NCALD: variants seen among roughly 807,000 people sequenced by gnomAD.
NCALD encodes the protein neurocalcin-delta.
Under a neutral mutation model 18.6 loss-of-function variants are expected in NCALD, and 10 were observed. That is an observed-to-expected ratio of 0.54 (90% CI 0.33 to 0.91). The LOEUF (loss-of-function observed/expected upper bound fraction) is 0.91, where lower values mean the gene tolerates loss of function less well. NCALD is among the 40% of genes least tolerant of loss of function. NCALD has a pLI of 0.03. For missense variants in NCALD, 184 were observed against 247.6 expected (o/e 0.74, Z 1.72); for synonymous variants, 88 against 87.4 (o/e 1.01, Z -0.04).
intron 2 of NCALD, among the ~76,000 whole-genome samples, chr8:101,989,443 A>T (rs1344487969): frequency 3.3e-5 from 5 of 152,248 alleles, no homozygotes; most frequent in Admixed American, 6.5e-5. Flanking sequence ...ATTATAGTTT[A>T]AAAAAATTGG....
At chr8:101,979,675 T>C (rs991490030) in intron 2 of NCALD, among the ~76,000 whole-genome samples, 1 of 152,228 alleles carries the variant, frequency 6.6e-6, no homozygotes, top group Non-Finnish European at 1.5e-5. Context: ...CTGGAATTTA[T>C]AGACATAGTT....
intron 4 of NCALD, among the ~76,000 whole-genome samples, chr8:101,826,154 C>T (rs1431735160): frequency 6.6e-6 from 1 of 152,188 alleles, no homozygotes; most frequent in Non-Finnish European, 1.5e-5. Context: ...GGAGCCATAC[C>T]TCCAGCACTC....
intron 4 of NCALD, among the ~76,000 whole-genome samples, chr8:101,855,411 T>C (rs1029844118): frequency 3.9e-5 from 6 of 152,126 alleles, no homozygotes; most frequent in African/African-American, 1.2e-4. Context: ...GAATGTTGAG[T>C]GCACATCTAA....
At chr8:102,010,785 A>G (rs1484873816) in intron 2 of NCALD, among the ~76,000 whole-genome samples, 6 of 152,256 alleles carry the variant, frequency 3.9e-5, no homozygotes, top group Admixed American at 3.9e-4. Flanking sequence ...AACAATTATC[A>G]GGTGATGGGG....
chr8:101,897,695 T>G (rs1348510633), intron 3 of NCALD, among the ~76,000 whole-genome samples: 1 of 152,192 alleles, frequency 6.6e-6, no homozygotes, highest in Non-Finnish European at 1.5e-5. Context: ...GGAGAGTGTT[T>G]CTGGGTCACA....
chr8:101,855,625 G>A lies in NCALD; in HGVS notation c.-20+31516C>T, dbSNP rs1035186941. 2.6e-5 allele frequency among the ~76,000 whole-genome samples: 4 copies of A among 152,234 alleles called. No homozygotes were observed. In the East Asian group the frequency reaches 7.7e-4, roughly 29 times the overall value. On this transcript the variant is annotated intron_variant, in intron 4 of 6. Transcript: ENST00000311028. ...TCAAGTTTAGAGGGGATGATAATAA[G>A]AATTTGCAATGATCATCACACATCT...
intron 1 of NCALD, among the ~76,000 whole-genome samples, chr8:102,056,717 G>A (rs1480182009): frequency 6.6e-6 from 1 of 152,216 alleles, no homozygotes; most frequent in Non-Finnish European, 1.5e-5. Context: ...CAGTTGATGA[G>A]ACTTAAAGTC....
At chr8:101,733,172 A>C (rs780396720) in intron 1 of NCALD, among the ~76,000 whole-genome samples, 6 of 152,212 alleles carry the variant, frequency 3.9e-5, no homozygotes, top group Non-Finnish European at 5.9e-5. Flanking sequence ...TAAAAGTATT[A>C]ATGTTTGTCT....
intron 4 of NCALD, among the ~76,000 whole-genome samples, chr8:101,835,900 A>G (rs1445564122): frequency 6.6e-6 from 1 of 152,176 alleles, no homozygotes; most frequent in Admixed American, 6.5e-5. Flanking sequence ...GTAGTAAAGC[A>G]GAATTGTGTA....
chr8:101,701,888 G>A (rs762228393), intron 2 of NCALD, among the ~76,000 whole-genome samples: 4 of 152,148 alleles, frequency 2.6e-5, no homozygotes, highest in Non-Finnish European at 4.4e-5. Flanking sequence ...CAGGAAAGGA[G>A]AAGAATGAAA....
At chr8:101,964,893 G>A (rs183715908) in intron 2 of NCALD, among the ~76,000 whole-genome samples, 1 of 152,228 alleles carries the variant, frequency 6.6e-6, no homozygotes, top group African/African-American at 2.4e-5. Flanking sequence ...ACTCCAAAAG[G>A]CTTCTTAAGG....
At chr8:101,828,663 A>G (rs1265280283) in intron 4 of NCALD, among the ~76,000 whole-genome samples, 1 of 151,472 alleles carries the variant, frequency 6.6e-6, no homozygotes, top group Non-Finnish European at 1.5e-5. Flanking sequence ...GTGTGGTGGC[A>G]CAATCATAGC....
intron 1 of NCALD, among the ~76,000 whole-genome samples, chr8:102,096,896 A>C (rs2132397172): frequency 6.6e-6 from 1 of 152,336 alleles, no homozygotes; most frequent in South Asian, 2.1e-4. Context: ...AATGCCAAGA[A>C]CCTGGACACC....
intron 3 of NCALD, chr8:101,887,301 C>T (rs1816711090): frequency 6.6e-6 from 1 of 152,132 alleles, no homozygotes; most frequent in East Asian, 1.9e-4. Context: ...GTGAGACTGT[C>T]ACTTTTATTT....
intron 2 of NCALD, among the ~76,000 whole-genome samples, chr8:101,714,751 C>T (rs1188697563): frequency 6.8e-6 from 1 of 148,100 alleles, no homozygotes; most frequent in African/African-American, 2.6e-5. Context: ...AATCCCAGCA[C>T]TTTGGGAGGC....
chr8:101,767,046 T>C (rs1021988540), intron 1 of NCALD, among the ~76,000 whole-genome samples: 13 of 152,228 alleles, frequency 8.5e-5, no homozygotes, highest in African/African-American at 3.1e-4. Flanking sequence ...GCTATCATTT[T>C]ATTCTCAGTT....
intron 3 of NCALD, among the ~76,000 whole-genome samples, chr8:101,894,142 C>T (rs1207161140): frequency 7.8e-5 from 11 of 141,214 alleles, no homozygotes; most frequent in African/African-American, 2.7e-4. Flanking sequence ...TGTAAAAGAA[C>T]AGAAATTATA....
intron 1 of NCALD, among the ~76,000 whole-genome samples, chr8:101,725,532 A>G (rs1563699311): frequency 6.6e-6 from 1 of 152,200 alleles, no homozygotes. Flanking sequence ...CCAAGAGGGC[A>G]GGGTGTAAAA....
At chr8:102,014,470 T>C (rs1822011756) in intron 2 of NCALD, among the ~76,000 whole-genome samples, 1 of 151,880 alleles carries the variant, frequency 6.6e-6, no homozygotes, top group African/African-American at 2.4e-5. Flanking sequence ...ATACAAATGT[T>C]CCCATCACAG....
Sources: gnomAD v4.1 joint callset for allele counts (sites outside exome capture counted in the v4.1 genomes callset) on GRCh38, gnomAD v4.1.1 for gene constraint, MANE v1.5 for transcripts, NCBI Gene and HGNC (gene_info 2026-07-23, HGNC 2026-07-21) for gene names.